The following CCDC178 variants were observed in gnomAD, a reference collection of about 807,000 sequenced individuals.
The protein encoded by CCDC178 is coiled-coil domain containing 178, also known as coiled-coil domain-containing protein 178.
Under a neutral mutation model 117.4 loss-of-function variants are expected in CCDC178, and 126 were observed. The observed-to-expected ratio is 1.07, with a 90% CI of 0.93 to 1.24. The LOEUF (loss-of-function observed/expected upper bound fraction) is 1.24. CCDC178 is among the 50% of genes most tolerant of loss of function. The pLI, the probability that CCDC178 is intolerant of heterozygous loss-of-function variation, is 0.00. For missense variants in CCDC178, 1,030 were observed against 986.9 expected (o/e 1.04, Z -0.59); for synonymous variants, 283 against 313.4 (o/e 0.90, Z 1.02).
chr18:33,121,278 T>C (rs1790840397), intron 20 of CCDC178, among the ~76,000 whole-genome samples: 1 of 152,070 alleles, frequency 6.6e-6, no homozygotes, highest in South Asian at 2.1e-4. Flanking sequence ...GATACAGACA[T>C]AGACAGAGAA....
intron 20 of CCDC178, among the ~76,000 whole-genome samples, chr18:33,115,023 T>C (rs576825356): frequency 2.0e-5 from 3 of 152,184 alleles, no homozygotes; most frequent in Admixed American, 6.6e-5. Context: ...ATTCTTCTCT[T>C]GATTACACGA....
chr18:33,198,683 C>G (rs1467314603), intron 20 of CCDC178, among the ~76,000 whole-genome samples: 2 of 152,086 alleles, frequency 1.3e-5, no homozygotes, highest in African/African-American at 4.8e-5. Context: ...CTTATAATAA[C>G]TTAATATTTT....
chr18:33,163,781 C>A (rs1488705642), intron 20 of CCDC178, among the ~76,000 whole-genome samples: 1 of 152,134 alleles, frequency 6.6e-6, no homozygotes, highest in East Asian at 1.9e-4. Flanking sequence ...TCTTTGGTGT[C>A]AGAATGTTGT....
At chr18:33,165,204 A>T (rs1214252501) in intron 20 of CCDC178, among the ~76,000 whole-genome samples, 2 of 152,152 alleles carry the variant, frequency 1.3e-5, no homozygotes, top group Admixed American at 6.6e-5. Flanking sequence ...GACAAAAAAA[A>T]ACAGCTGAGT....
chr18:33,388,519 A>ATTTTTTTTTTTTTTTTTTTTTTTTT lies in CCDC178; in HGVS notation c.208+1020_208+1021insAAAAAAAAAAAAAAAAAAAAAAAAA, dbSNP rs71159828. Among the ~76,000 whole-genome samples the ATTTTTTTTTTTTTTTTTTTTTTTTT allele has an allele frequency of 7.7e-5, 5 of 65,266 alleles. 2 individuals carry two copies. Among genetic ancestry groups the ATTTTTTTTTTTTTTTTTTTTTTTTT allele is most frequent in the African/African-American group, 3.2e-4 (5 of 15,854 alleles). 42.8% of individuals were successfully genotyped at this position (65,266 alleles called of 152,430 possible). A position where few individuals can be genotyped will look rare whatever the true frequency, so the allele number is the denominator to read the frequency against. On this transcript the variant is annotated intron_variant, in intron 5 of 22. Transcript: ENST00000383096. ...AAATGTGGTACATATACACCACGGAATTTTTTTTTTTTTTTTTTGAGACGG... is the reference window on the plus strand; with the variant it reads ...AAATGTGGTACATATACACCACGGAATTTTTTTTTTTTTTTTTTTTTTTTTTTTTTTTTTTTTTTTTTTGAGACGG...
intron 20 of CCDC178, among the ~76,000 whole-genome samples, chr18:33,133,345 T>G (rs1015260170): frequency 6.6e-6 from 1 of 151,856 alleles, no homozygotes; most frequent in Admixed American, 6.6e-5. Context: ...TGATTCTAGT[T>G]TAAACTGAGG....
intron 21 of CCDC178, among the ~76,000 whole-genome samples, chr18:32,991,381 G>T (rs2055389404): frequency 6.6e-6 from 1 of 152,068 alleles, no homozygotes; most frequent in African/African-American, 2.4e-5. Flanking sequence ...TTTACAACCT[G>T]TGGGGGAAAC....
intron 22 of CCDC178, among the ~76,000 whole-genome samples, chr18:32,963,982 A>G (rs919492182): frequency 2.0e-5 from 3 of 152,038 alleles, no homozygotes; most frequent in Non-Finnish European, 4.4e-5. Flanking sequence ...GTACAGAATA[A>G]ATTCAGTGTT....
At chr18:33,374,254 C>T (rs2063336505) in intron 5 of CCDC178, among the ~76,000 whole-genome samples, 3 of 152,274 alleles carry the variant, frequency 2.0e-5, no homozygotes, top group South Asian at 2.1e-4. Context: ...CATAGAATCC[C>T]TGACCAATAA....
chr18:33,276,080 A>G (rs1049953119), intron 12 of CCDC178, among the ~76,000 whole-genome samples: 1 of 150,772 alleles, frequency 6.6e-6, no homozygotes, highest in Admixed American at 6.7e-5. Context: ...TGGGACTGTG[A>G]ATCTGAAGTT....
intron 5 of CCDC178, among the ~76,000 whole-genome samples, chr18:33,381,271 A>G (rs1450332882): frequency 2.6e-5 from 4 of 152,162 alleles, no homozygotes; most frequent in Admixed American, 6.5e-5. Context: ...TATGGAGCAG[A>G]GAGGGCCCCA....
At chr18:33,056,734 T>C (rs962827652) in intron 21 of CCDC178, among the ~76,000 whole-genome samples, 6 of 152,158 alleles carry the variant, frequency 3.9e-5, no homozygotes, top group African/African-American at 1.4e-4. Context: ...ATAAATTCAA[T>C]GCTAAAGGGA....
chr18:33,301,806 A>G (rs564727626), intron 11 of CCDC178, among the ~76,000 whole-genome samples: 84 of 152,320 alleles, frequency 5.5e-4, no homozygotes, highest in African/African-American at 2.0e-3. Context: ...CTTTGATTTT[A>G]TAGGCTCAAA....
chr18:33,256,782 C>A (rs1375251812), intron 14 of CCDC178, among the ~76,000 whole-genome samples: 1 of 151,936 alleles, frequency 6.6e-6, no homozygotes, highest in Non-Finnish European at 1.5e-5. Flanking sequence ...TAATGAATTT[C>A]CCCCAGCTCT....
At chr18:33,279,616 T>G (rs1169401768) in intron 12 of CCDC178, among the ~76,000 whole-genome samples, 1 of 152,158 alleles carries the variant, frequency 6.6e-6, no homozygotes, top group African/African-American at 2.4e-5. Context: ...CAAGTTCATA[T>G]GGAACCAAAA....
intron 3 of CCDC178, among the ~76,000 whole-genome samples, chr18:33,398,528 T>C (rs1017194332): frequency 6.6e-6 from 1 of 152,198 alleles, no homozygotes; most frequent in Non-Finnish European, 1.5e-5. Flanking sequence ...TAAATTATGA[T>C]GTCTCTCTCC....
chr18:33,267,170 T>A (rs201204686), intron 13 of CCDC178, 32 bp downstream of exon 13: 1 of 1,552,558 alleles, frequency 6.4e-7, no homozygotes, highest in Non-Finnish European at 8.7e-7. Context: ...AAAATGGCGT[T>A]CTAAGTGGGA....
In CCDC178 at chr18:33,217,275, T is replaced by C. The variant is rs1469200505; in HGVS notation, c.1933-1580A>G. Among the ~76,000 whole-genome samples the C allele has an allele frequency of 2.6e-5, 4 of 152,038 alleles. No homozygotes were observed. The East Asian group carries it at 7.7e-4, about 29-fold the overall frequency. ...AAGTATCTTGACTGATTCTTGGTTTTATTGGTAGAGTTTGGACAAATTAAA... is the reference window on the plus strand; with the variant it reads ...AAGTATCTTGACTGATTCTTGGTTTCATTGGTAGAGTTTGGACAAATTAAA... On this transcript the variant is annotated intron_variant, in intron 18 of 22. Transcript: ENST00000383096.
intron 10 of CCDC178, among the ~76,000 whole-genome samples, chr18:33,332,455 C>T (rs1304724230): frequency 6.6e-6 from 1 of 151,926 alleles, no homozygotes; most frequent in Non-Finnish European, 1.5e-5. Flanking sequence ...TTTAAAAATA[C>T]TTTTATTTCA....
Sources: gnomAD v4.1 joint callset for allele counts (sites outside exome capture counted in the v4.1 genomes callset) on GRCh38, gnomAD v4.1.1 for gene constraint, MANE v1.5 for transcripts, NCBI Gene and HGNC (gene_info 2026-07-23, HGNC 2026-07-21) for gene names.